Variants in CSMD2 observed in about 807,000 individuals in gnomAD.
CSMD2 encodes CUB and sushi domain-containing protein 2.
In CSMD2, 130 loss-of-function variants were observed where a neutral mutation model predicts 398.5. The observed-to-expected ratio is 0.33, with a 90% confidence interval of 0.28 to 0.38. CSMD2 has a LOEUF of 0.38. CSMD2 is among the 10% of genes least tolerant of loss of function. The pLI is 1.00. For synonymous variants in CSMD2, 1,828 were observed against 1,908.5 expected, an observed-to-expected ratio of 0.96 and a Z score of 1.10; for missense variants, 3,829 against 4,764.9, an observed-to-expected ratio of 0.80 and a Z score of 5.78.
intron 4 of CSMD2, 89 bp from the exon 5 acceptor site, chr1:33,918,390 C>T: frequency 9.6e-7 from 1 of 1,037,134 alleles, no homozygotes; most frequent in East Asian, 2.5e-5. Flanking sequence ...ATACATCCTT[C>T]TGTCTCCCAA....
Position 34,082,550 on chromosome 1 carries a change from G to A in CSMD2, c.404+6427C>T, listed in dbSNP as rs529016266. Among the ~76,000 whole-genome samples the A allele has an allele frequency of 3.2e-3, 490 of 152,274 alleles. 1 individual carries two copies. The highest frequency in any genetic ancestry group is 0.014 in the Middle Eastern group (4 of 294). On this transcript the variant is annotated intron_variant, in intron 2 of 70. Coordinates refer to ENST00000373381, the MANE Select transcript of CSMD2 (RefSeq NM_001281956.2). ...GGGGGGTGGGGGGGCCCCTCTGCCC[G>A]TCCACCACCCCGTCTGGGAGGTGTA...
At chr1:33,681,470 T>C (rs564531493) in intron 25 of CSMD2, among the ~76,000 whole-genome samples, 1 of 152,214 alleles carries the variant, frequency 6.6e-6, no homozygotes, top group Non-Finnish European at 1.5e-5. Context: ...AGGTTTCACC[T>C]TTCCCTATGC....
intron 32 of CSMD2, among the ~76,000 whole-genome samples, chr1:33,626,956 C>G (rs1479816278): frequency 1.3e-5 from 2 of 152,136 alleles, no homozygotes; most frequent in Non-Finnish European, 2.9e-5. Context: ...ACCAAGCCGG[C>G]TGACTGGTGG....
At chr1:34,017,143 T>C (rs565746056) in intron 3 of CSMD2, among the ~76,000 whole-genome samples, 48 of 152,206 alleles carry the variant, frequency 3.2e-4, no homozygotes, top group Non-Finnish European at 6.3e-4. Flanking sequence ...AAAGCCTTGC[T>C]TGATCACCTC....
intron 4 of CSMD2, among the ~76,000 whole-genome samples, 186 bp from the exon 5 acceptor site, chr1:33,918,487 T>A (rs140994145): frequency 6.6e-6 from 1 of 152,138 alleles, no homozygotes; most frequent in Non-Finnish European, 1.5e-5. Context: ...ACAGAGGAAG[T>A]GTCATTAGAG....
chr1:33,546,202 A>C lies in CSMD2; in HGVS notation c.8935T>G (p.Cys2979Gly). Residue 2979 changes from cysteine (C) to glycine (G), a missense_variant, in exon 57 of 71, where the codon TGC becomes GGC. Coordinates refer to ENST00000373381, the MANE Select transcript of CSMD2 (RefSeq NM_001281956.2). ...TGAGCCGGGATCCCAGGGTCACCGCAAACTCCCACGCTGGTTCCTATGGAC... is the reference window on the plus strand; with the variant it reads ...TGAGCCGGGATCCCAGGGTCACCGCCAACTCCCACGCTGGTTCCTATGGAC... The part of the protein sequence containing the change: ...PHCSGTSVGV[C>G]GDPGIPAHGI... 6.2e-7 allele frequency: 1 copy of C among 1,613,890 alleles called. No homozygotes were observed. Among genetic ancestry groups the C allele is most frequent in the Non-Finnish European group, 8.5e-7 (1 of 1,179,826 alleles).
intron 48 of CSMD2, 92 bp downstream of exon 48, chr1:33,580,661 T>G (rs1638628619): frequency 1.4e-6 from 2 of 1,412,240 alleles, no homozygotes; most frequent in East Asian, 2.3e-5. Flanking sequence ...TGAGGCAGAT[T>G]TAGGAGGGGA....
intron 25 of CSMD2, among the ~76,000 whole-genome samples, chr1:33,675,988 C>T (rs1010089564): frequency 2.0e-5 from 3 of 152,100 alleles, no homozygotes; most frequent in African/African-American, 7.2e-5. Context: ...TATGACAAAC[C>T]CAAAGCCAAT....
chr1:33,826,625 A>G (rs1658855359), intron 6 of CSMD2, among the ~76,000 whole-genome samples: 2 of 152,220 alleles, frequency 1.3e-5, no homozygotes, highest in African/African-American at 4.8e-5. Context: ...TGACCCTGTC[A>G]CTAAGTCCAG....
chr1:33,984,139 G>A (rs537720142), intron 3 of CSMD2, among the ~76,000 whole-genome samples: 10 of 148,160 alleles, frequency 6.7e-5, no homozygotes, highest in African/African-American at 2.3e-4. Flanking sequence ...GGGTGACAGA[G>A]CGAGACTCTG....
At chr1:33,711,990 C>G (rs1646007429) in intron 21 of CSMD2, among the ~76,000 whole-genome samples, 1 of 152,126 alleles carries the variant, frequency 6.6e-6, no homozygotes, top group East Asian at 1.9e-4. Context: ...GGGAGGTGAA[C>G]AGATGAACTT....
rs774577320 is a variant in CSMD2, at chr1:34,109,933, C to T, written c.188-20740G>A. Among the ~76,000 whole-genome samples the T allele has an allele frequency of 4.0e-5, 6 of 149,010 alleles. No individual in the cohort carries two copies. In the East Asian group the frequency reaches 6.0e-4, roughly 15 times the overall value. On this transcript the variant is annotated intron_variant, in intron 1 of 70. Coordinates refer to ENST00000373381, the MANE Select transcript of CSMD2 (RefSeq NM_001281956.2). ...GTGTGCGCCTGTAATCCCAGCTACT[C>T]GGGAGGCTGAGGCAGGAGAATCGGG...
intron 32 of CSMD2, among the ~76,000 whole-genome samples, chr1:33,630,665 G>A (rs896679366): frequency 6.6e-6 from 1 of 152,038 alleles, no homozygotes; most frequent in Non-Finnish European, 1.5e-5. Flanking sequence ...GCTACTGAAG[G>A]GACTTCAATT....
chr1:33,590,981 C>CTTTTTTTT (rs11374822), intron 44 of CSMD2, among the ~76,000 whole-genome samples: 31 of 67,186 alleles, frequency 4.6e-4, no homozygotes, highest in Non-Finnish European at 5.9e-4. Flanking sequence ...TTTTATTTAT[C>CTTTTTTTT]TTTTTTTTTT....
intron 3 of CSMD2, among the ~76,000 whole-genome samples, chr1:34,012,422 A>G (rs1422955446): frequency 6.6e-6 from 1 of 151,772 alleles, no homozygotes; most frequent in Non-Finnish European, 1.5e-5. Context: ...TACATACTAC[A>G]CAATTTTCTC....
At chr1:34,147,281 A>G (rs973400336) in intron 1 of CSMD2, among the ~76,000 whole-genome samples, 3 of 152,144 alleles carry the variant, frequency 2.0e-5, no homozygotes, top group African/African-American at 7.2e-5. Flanking sequence ...ATAAAAAAAT[A>G]AAGAAATAAA....
intron 53 of CSMD2, among the ~76,000 whole-genome samples, chr1:33,561,552 G>T (rs1658544494): frequency 6.6e-6 from 1 of 152,202 alleles, no homozygotes; most frequent in South Asian, 2.1e-4. Flanking sequence ...AATATACAAA[G>T]AAGAATATAA....
At chr1:33,524,757 T>C (rs1407740581) in intron 66 of CSMD2, 125 bp downstream of exon 66, 1 of 922,428 alleles carries the variant, frequency 1.1e-6, no homozygotes, top group Non-Finnish European at 1.6e-6. Context: ...ACACTTCCTC[T>C]TCCCTGACCA....
chr1:33,617,888 C>T lies in CSMD2; in HGVS notation c.5828-271G>A, dbSNP rs1641497026. 2.6e-5 allele frequency among the ~76,000 whole-genome samples: 4 copies of T among 152,186 alleles called. No individual in the cohort carries two copies. In the South Asian group the frequency reaches 8.3e-4, roughly 31 times the overall value. Reference sequence around the variant, plus strand: ...GGATGCTGGCTGTCCTGTCCACTCACTGAGCTCTTAGCTAGGGGGCTTAGC... The same window carrying T: ...GGATGCTGGCTGTCCTGTCCACTCATTGAGCTCTTAGCTAGGGGGCTTAGC... On this transcript the variant is annotated intron_variant, in intron 37 of 70. Coordinates refer to ENST00000373381, the MANE Select transcript of CSMD2 (RefSeq NM_001281956.2).
Sources: allele counts gnomAD v4.1 joint callset (sites outside exome capture counted in the v4.1 genomes callset), GRCh38; gene constraint gnomAD v4.1.1; transcripts MANE v1.5; gene names NCBI Gene and HGNC (gene_info 2026-07-23, HGNC 2026-07-21).